The following CENPE variants were observed in gnomAD, a reference collection of about 807,000 sequenced individuals.
CENPE encodes centromere-associated protein E.
Under a neutral mutation model 336.1 loss-of-function variants are expected in CENPE, and 145 were observed. The ratio of observed to expected loss-of-function variants is 0.43; its 90% confidence interval spans 0.38 to 0.50. The LOEUF (loss-of-function observed/expected upper bound fraction) is 0.50, where lower values mean the gene tolerates loss of function less well. Among genes scored for constraint, CENPE ranks in the 20% least tolerant of loss-of-function variants. CENPE has a pLI of 0.00. For synonymous variants in CENPE, 1,013 were observed against 984.8 expected (o/e 1.03, Z -0.54); for missense variants, 2,719 against 3,023.3 (o/e 0.90, Z 2.36).
chr4:103,158,484 T>G, intron 23 of CENPE, 26 bp from the exon 24 acceptor site: 1 of 1,522,280 alleles, frequency 6.6e-7, no homozygotes, highest in Non-Finnish European at 8.8e-7. Context: ...ATAAAAACAA[T>G]TTCCATTAGA....
chr4:103,196,921 T>C, intron 1 of CENPE, 71 bp from the exon 2 acceptor site: 1 of 738,058 alleles, frequency 1.4e-6, no homozygotes, highest in Non-Finnish European at 2.4e-6. Flanking sequence ...ATTGAAAAGA[T>C]TTCACCTGCT....
At position 103,177,196 on chromosome 4, in the gene CENPE, T is replaced by TA. The variant is rs896933618; in HGVS notation, c.1243-151dup. On this transcript the variant is annotated intron_variant, in intron 13 of 48. Transcript: ENST00000265148. The stretch of plus-strand genomic sequence containing the variant: ...ATTTTATTAGTCTAAGGATATTGCT[T>TA]AAAAAAAAAATCAAACTCTTGACTC... 6.4e-3 allele frequency: 3,504 copies of TA among 543,354 alleles called. 1 individual carries two copies. The highest frequency in any genetic ancestry group is 9.0e-3 in the South Asian group (305 of 33,762). 33.7% of individuals were successfully genotyped at this position (543,354 alleles called of 1,614,324 possible). A position where few individuals can be genotyped will look rare whatever the true frequency, so the allele number is the denominator to read the frequency against.
chr4:103,157,158 C>G (rs1246676054), intron 24 of CENPE, among the ~76,000 whole-genome samples: 2 of 151,232 alleles, frequency 1.3e-5, no homozygotes, highest in African/African-American at 4.9e-5. Context: ...AATGGTGCAG[C>G]TGTTATGGAA....
At chr4:103,112,543 T>C (rs944895622) in intron 46 of CENPE, among the ~76,000 whole-genome samples, 7 of 142,844 alleles carry the variant, frequency 4.9e-5, no homozygotes, top group Admixed American at 4.3e-4. Flanking sequence ...TATACACTTA[T>C]AAGTATATAT....
chr4:103,148,293 A>G (rs1012059709), intron 28 of CENPE, among the ~76,000 whole-genome samples: 1 of 152,146 alleles, frequency 6.6e-6, no homozygotes, highest in African/African-American at 2.4e-5. Context: ...TATCCCAATA[A>G]ATGTATGATC....
intron 8 of CENPE, among the ~76,000 whole-genome samples, chr4:103,188,108 A>G (rs921882719): frequency 2.0e-5 from 3 of 152,140 alleles, no homozygotes; most frequent in East Asian, 3.8e-4. Flanking sequence ...TCCTAAATAT[A>G]TATGCACCCA....
At chr4:103,174,461 T>G (rs766804805) in intron 16 of CENPE, among the ~76,000 whole-genome samples, 2 of 151,994 alleles carry the variant, frequency 1.3e-5, no homozygotes, top group African/African-American at 2.4e-5. Context: ...TAATGACAAT[T>G]TATTGTATTC....
chr4:103,158,703 G>T lies in CENPE; in HGVS notation c.2785C>A (p.Gln929Lys). Residue 929 changes from glutamine to lysine, a missense_variant, in exon 23 of 49, where the codon CAA becomes AAA. By Grantham distance (53) the Gln-to-Lys change is moderately conservative. Coordinates refer to ENST00000265148, the MANE Select transcript of CENPE (RefSeq NM_001813.3). ...AGTTGTTTTAGATCATCTTTTTCTT[G>T]AGTTAAAGTTTTTACTTCTTCTAAA... ...QTLEEVKTLT[Q>K]EKDDLKQLQE... 6.2e-7 allele frequency: 1 copy of T among 1,612,578 alleles called. No individual in the cohort carries two copies. The highest frequency in any genetic ancestry group is 8.5e-7 in the Non-Finnish European group (1 of 1,179,256).
In CENPE at chr4:103,140,246, C is replaced by T; in HGVS notation, c.5913+10G>A. ...AGTTACTTCCAAAAGAAGAACAAAACAACACATACCTTTTTCTGTAATTCA... is the reference window on the plus strand; with the variant it reads ...AGTTACTTCCAAAAGAAGAACAAAATAACACATACCTTTTTCTGTAATTCA... On this transcript the variant is annotated intron_variant, in intron 37 of 48. Coordinates refer to ENST00000265148, the MANE Select transcript of CENPE (RefSeq NM_001813.3). 1 of 1,581,062 alleles carries T rather than the reference C, an allele frequency of 6.3e-7. No individual in the cohort carries two copies. Among genetic ancestry groups the T allele is most frequent in the Non-Finnish European group, 8.6e-7 (1 of 1,167,812 alleles).
intron 47 of CENPE, 74 bp downstream of exon 47, chr4:103,110,754 C>T (rs779168377): frequency 3.6e-6 from 4 of 1,113,438 alleles, no homozygotes; most frequent in South Asian, 2.1e-5. Flanking sequence ...GCAAAAAATA[C>T]GTGCATATAC....
intron 2 of CENPE, 61 bp from the exon 3 acceptor site, chr4:103,196,313 T>C (rs552401814): frequency 8.3e-7 from 1 of 1,210,304 alleles, no homozygotes; most frequent in Non-Finnish European, 1.2e-6. Flanking sequence ...CACTGTGTTT[T>C]CATTCCAAAT....
At chr4:103,140,741 C>T (rs543388066) in intron 36 of CENPE, 73 bp downstream of exon 36, 23 of 1,257,242 alleles carry the variant, frequency 1.8e-5, no homozygotes, top group African/African-American at 7.5e-5. Flanking sequence ...CCAGACACAA[C>T]GCTGCAGTGA....
At chr4:103,161,548 G>C (rs1754444439) in intron 18 of CENPE, 91 bp from the exon 19 acceptor site, 1 of 1,148,352 alleles carries the variant, frequency 8.7e-7, no homozygotes, top group Non-Finnish European at 1.2e-6. Flanking sequence ...GTTAACTCTA[G>C]CTAATCAAAA....
Position 103,123,021 on chromosome 4 carries a change from G to A in CENPE, c.6993C>T (p.Asp2331=). 2 of 1,613,844 alleles carry A rather than the reference G, an allele frequency of 1.2e-6. No homozygotes were observed. ...SATISKEWEQ[D]LKSLKEKNEK... is the part of the protein sequence containing the mutation. ...CATTTTTCTCTTTCAGTGATTTCAG[G>A]TCCTGTTCCCACTCTTTGGATATGG... The change falls in exon 43 of 49, where the codon GAC becomes GAT. Residue 2331 remains aspartate (D), a synonymous_variant. Coordinates refer to ENST00000265148, the MANE Select transcript of CENPE (RefSeq NM_001813.3).
At chr4:103,134,181 T>A (rs1483319011) in intron 40 of CENPE, among the ~76,000 whole-genome samples, 3 of 152,210 alleles carry the variant, frequency 2.0e-5, no homozygotes, top group African/African-American at 4.8e-5. Context: ...CGTAACATGA[T>A]CCCTTTCTCT....
intron 42 of CENPE, among the ~76,000 whole-genome samples, chr4:103,127,128 A>G (rs558208267): frequency 6.6e-4 from 99 of 150,796 alleles, no homozygotes; most frequent in Admixed American, 1.2e-3. Context: ...AAAACCCCCG[A>G]AAAAAAACCC....
Position 103,141,482 on chromosome 4 carries a change from C to G in CENPE, c.5463+268G>C, listed in dbSNP as rs575036976. Among the ~76,000 whole-genome samples the G allele has an allele frequency of 2.6e-5, 4 of 152,204 alleles. No individual in the cohort carries two copies. In the South Asian group the frequency reaches 8.3e-4, roughly 32 times the overall value. On this transcript the variant is annotated intron_variant, in intron 35 of 48. Transcript: ENST00000265148. ...CACAATGTATGTATCCATTTTCCTGCTGATAGACATTTGAGTTTTCAGTTT... is the reference window on the plus strand; with the variant it reads ...CACAATGTATGTATCCATTTTCCTGGTGATAGACATTTGAGTTTTCAGTTT...
rs1006822999 is a variant in CENPE, at chr4:103,185,709, A to G, written c.745+101T>C. The G allele has an allele frequency of 1.2e-5, 7 of 607,978 alleles. No homozygotes were observed. In the African/African-American group the frequency reaches 1.3e-4, roughly 11 times the overall value. The allele number at this position is 607,978 out of a possible 1,614,324, so 37.7% of individuals were successfully genotyped here. ...AATGATTCATTATTATTAATAATGA[A>G]TATAATTACTTTATCAATTTCTAAA... is the stretch of plus-strand genomic sequence containing the variant. On this transcript the variant is annotated intron_variant, in intron 9 of 48. Coordinates refer to ENST00000265148, the MANE Select transcript of CENPE (RefSeq NM_001813.3).
intron 25 of CENPE, among the ~76,000 whole-genome samples, chr4:103,152,629 A>G (rs374749257): frequency 1.3e-5 from 2 of 152,326 alleles, no homozygotes; most frequent in East Asian, 3.9e-4. Flanking sequence ...ATTTCCATCA[A>G]TAGGAAAAAG....
Sources: gnomAD v4.1 joint callset for allele counts (sites outside exome capture counted in the v4.1 genomes callset) on GRCh38, gnomAD v4.1.1 for gene constraint, MANE v1.5 for transcripts, NCBI Gene and HGNC (gene_info 2026-07-23, HGNC 2026-07-21) for gene names.